The following ARAP3 variants were observed in gnomAD, a reference collection of about 807,000 sequenced individuals.
The protein encoded by ARAP3 is arf-GAP with Rho-GAP domain, ANK repeat and PH domain-containing protein 3.
A neutral mutation model predicts 169.2 loss-of-function variants in ARAP3; 82 were observed. That is an observed-to-expected ratio of 0.48 (90% CI 0.41 to 0.58). The LOEUF (loss-of-function observed/expected upper bound fraction) is 0.58, where lower values mean the gene tolerates loss of function less well. Among genes scored for constraint, ARAP3 ranks in the 20% least tolerant of loss-of-function variants. The probability of loss-of-function intolerance (pLI) is 0.00; values close to 1 mark genes in which losing one functional copy is unlikely to be tolerated. For synonymous variants in ARAP3, 791 were observed against 800.3 expected, an observed-to-expected ratio of 0.99 and a Z score of 0.20; for missense variants, 1,764 against 2,018.0, an observed-to-expected ratio of 0.87 and a Z score of 2.41.
At chr5:141,674,573 A>T (rs1301713744) in intron 4 of ARAP3, among the ~76,000 whole-genome samples, 2 of 152,146 alleles carry the variant, frequency 1.3e-5, no homozygotes, top group Non-Finnish European at 2.9e-5. Flanking sequence ...CTGCTTTTCA[A>T]ACAGGGGAAT....
rs142370797 is a variant in ARAP3, at chr5:141,671,707, C to T, written c.1717G>A (p.Gly573Arg). 6.4e-5 allele frequency: 103 copies of T among 1,611,074 alleles called. No homozygotes were observed. The African/African-American group carries it at 1.1e-3, about 17-fold the overall frequency. The part of the protein sequence containing the change: ...GNDRANRFWA[G>R]TLPPGEGLHP... ...AGTCCCTCACCTGGGGGTAGGGTCC[C>T]TGCCCAGAAGCGGTTGGCACGATCA... Residue 573 changes from glycine (G) to arginine (R), a missense_variant, in exon 12 of 33, where the codon GGG becomes AGG. By Grantham distance (125) the Gly-to-Arg change is moderately radical (BLOSUM62 -2). Coordinates refer to ENST00000239440, the MANE Select transcript of ARAP3 (RefSeq NM_022481.6). The surrounding 1 kb of genome is among the most constrained non-coding windows in gnomAD (Gnocchi z 4.9).
intron 22 of ARAP3, 57 bp downstream of exon 22, chr5:141,659,722 T>C: frequency 6.3e-7 from 1 of 1,577,136 alleles, no homozygotes; most frequent in South Asian, 1.2e-5. Context: ...CCAGAGTCTC[T>C]GGGTCCTGCA....
In ARAP3 at chr5:141,654,265, G is replaced by A; in HGVS notation, c.4320C>T (p.Thr1440=). ...AGGGTTGATCCAATGACTTCTGGCT[G>A]GTGAGGGGGTTCTCTGGCTTCACTG... ...EWTVKPENPL[T]SQKSLDQPFL... Residue 1440 remains threonine (T), a synonymous_variant, in exon 33 of 33, where the codon ACC becomes ACT. Coordinates refer to ENST00000239440, the MANE Select transcript of ARAP3 (RefSeq NM_022481.6). The A allele has an allele frequency of 6.2e-7, 1 of 1,614,170 alleles. No homozygotes were observed. The highest frequency in any genetic ancestry group is 8.5e-7 in the Non-Finnish European group (1 of 1,180,024).
chr5:141,658,273 A>T, intron 25 of ARAP3, 92 bp downstream of exon 25: 2 of 1,247,604 alleles, frequency 1.6e-6, no homozygotes, highest in Non-Finnish European at 2.3e-6. Flanking sequence ...TACCATTCAT[A>T]TTTGGTAACA....
intron 1 of ARAP3, 135 bp from the exon 2 acceptor site, chr5:141,680,638 G>C (rs1036460314): frequency 1.6e-5 from 21 of 1,330,334 alleles, no homozygotes; most frequent in Non-Finnish European, 1.8e-5. Context: ...CTGCGATCTG[G>C]AAGCAGAGCC....
chr5:141,665,090 G>A lies in ARAP3; in HGVS notation c.2637-5C>T. The A allele has an allele frequency of 6.2e-7, 1 of 1,607,640 alleles. No homozygotes were observed. The highest frequency in any genetic ancestry group is 8.5e-7 in the Non-Finnish European group (1 of 1,176,088). On this transcript the variant is annotated splice_region_variant and splice_polypyrimidine_tract_variant and intron_variant, in intron 18 of 32. Coordinates refer to ENST00000239440, the MANE Select transcript of ARAP3 (RefSeq NM_022481.6). ...TCTCCTTGCAGATACAGGGTCCTGA[G>A]ACCCCAGAGGCCTGAATCAGAGCCA...
At chr5:141,679,182 G>C (rs1171929922) in intron 4 of ARAP3, among the ~76,000 whole-genome samples, 1 of 152,158 alleles carries the variant, frequency 6.6e-6, no homozygotes. Context: ...CCAGCTACTC[G>C]GGAGCCTGAG....
At chr5:141,667,637 T>C (rs1462450951) in intron 16 of ARAP3, among the ~76,000 whole-genome samples, 3 of 149,582 alleles carry the variant, frequency 2.0e-5, no homozygotes, top group Non-Finnish European at 4.5e-5. Context: ...CCATGTTGCA[T>C]GGCTGGTCTC....
chr5:141,653,826 C>T lies in ARAP3; in HGVS notation c.*124G>A. ...CCACTGAAGCCTTTAGTCCAGTGCT[C>T]CTTCCACAGCACCACACTGGATTCT... On this transcript the variant is annotated 3_prime_UTR_variant, in exon 33 of 33. Coordinates refer to ENST00000239440, the MANE Select transcript of ARAP3 (RefSeq NM_022481.6). The T allele has an allele frequency of 1.5e-6, 2 of 1,375,426 alleles. No homozygotes were observed. Among genetic ancestry groups the T allele is most frequent in the Non-Finnish European group, 1.9e-6 (2 of 1,026,544 alleles). The allele number at this position is 1,375,426 out of a possible 1,614,324, so 85.2% of individuals were successfully genotyped here.
In ARAP3 at chr5:141,659,832, G is replaced by A. The variant is rs140732541; in HGVS notation, c.3214C>T (p.His1072Tyr). The change falls in exon 22 of 33, where the codon CAC (histidine) becomes TAC (tyrosine). Residue 1072 changes from histidine (H) to tyrosine (Y), a missense_variant. Coordinates refer to ENST00000239440, the MANE Select transcript of ARAP3 (RefSeq NM_022481.6). The stretch of plus-strand genomic sequence containing the variant: ...AGCTCTTGCAGCACTCGCACCTCGT[G>A]CTCCCCTCGCCCATCCGTCTGGAAC... ...SVFQTDGRGE[H>Y]EVRVLQELID... 167 of 1,610,554 alleles carry A rather than the reference G, an allele frequency of 1.0e-4. 1 individual carries two copies. The highest frequency in any genetic ancestry group is 2.0e-5 in the Non-Finnish European group (24 of 1,178,882).
intron 17 of ARAP3, among the ~76,000 whole-genome samples, chr5:141,665,918 C>T (rs2099910563): frequency 1.3e-5 from 2 of 151,520 alleles, no homozygotes; most frequent in South Asian, 4.2e-4. Context: ...GTAATCCCAG[C>T]TACTTGGGAG....
chr5:141,669,616 A>G (rs1222004802), intron 16 of ARAP3, 93 bp downstream of exon 16: 1 of 1,222,404 alleles, frequency 8.2e-7, no homozygotes, highest in South Asian at 1.3e-5. Flanking sequence ...CTGTTAGTGG[A>G]AGAAGTGGCT....
Position 141,662,170 on chromosome 5 carries a change from C to A in ARAP3, c.2886G>T (p.Arg962=). The A allele has an allele frequency of 6.2e-7, 1 of 1,614,266 alleles. No individual in the cohort carries two copies. The highest frequency in any genetic ancestry group is 1.1e-5 in the South Asian group (1 of 91,090). ...RLLAEFRRDA[R]SVKLRPGEHF... is the part of the protein sequence containing the mutation. ...GCTCCCCTGGTCGGAGCTTCACCGA[C>A]CGGGCATCCCGACGGAACTCAGCCA... Residue 962 remains arginine, a synonymous_variant, in exon 20 of 33, where the codon CGG becomes CGT. Transcript: ENST00000239440.
At chr5:141,670,478 C>T (rs1436041180) in intron 14 of ARAP3, 34 bp downstream of exon 14, 2 of 1,594,614 alleles carry the variant, frequency 1.3e-6, no homozygotes, top group African/African-American at 2.7e-5. Flanking sequence ...CACTTTCTGT[C>T]CCTGTATCCT....
At position 141,656,512 on chromosome 5, in the gene ARAP3, C is replaced by A; in HGVS notation, c.3781G>T (p.Glu1261Ter). 6.2e-7 allele frequency: 1 copy of A among 1,611,910 alleles called. No individual in the cohort carries two copies. Reference sequence around the variant, plus strand: ...TGGCCCCAGGGCCTCACTTTCTTCTCCTTGAGCAGCAGCAGGCAGCGGCCA... The same window carrying A: ...TGGCCCCAGGGCCTCACTTTCTTCTACTTGAGCAGCAGCAGGCAGCGGCCA... Reference protein sequence around the residue: ...LRGRCLLLLKEKKSSKPEREW... With the variant: ...LRGRCLLLLK The change falls in exon 27 of 33, where the codon GAG becomes TAG. Residue 1261 changes from glutamate (E) to a stop codon, truncating the protein, a stop_gained. Coordinates refer to ENST00000239440, the MANE Select transcript of ARAP3 (RefSeq NM_022481.6). LOFTEE classifies it high-confidence loss of function.
chr5:141,658,528 C>G, intron 24 of ARAP3, 49 bp from the exon 25 acceptor site: 1 of 1,613,828 alleles, frequency 6.2e-7, no homozygotes, highest in African/African-American at 1.3e-5. Context: ...GGCTATTGCC[C>G]CTGGAACCTC....
Position 141,658,419 on chromosome 5 carries a change from C to T in ARAP3, c.3472G>A (p.Ala1158Thr), listed in dbSNP as rs1238970956. ...TNQVLEMRGTAAGMDLWVTFE... is the reference protein window; with the variant it reads ...TNQVLEMRGTTAGMDLWVTFE... The stretch of plus-strand genomic sequence containing the variant: ...GTCACCCACAAGTCCATCCCAGCTG[C>T]TGTCCCCCGCATCTCCAGTACCTGG... The change falls in exon 25 of 33, where the codon GCA becomes ACA. Residue 1158 changes from alanine to threonine, a missense_variant. Transcript: ENST00000239440. The T allele has an allele frequency of 6.2e-7, 1 of 1,614,026 alleles. No individual in the cohort carries two copies. The highest frequency in any genetic ancestry group is 2.2e-5 in the East Asian group (1 of 44,886).
In ARAP3 at chr5:141,666,555, G is replaced by T; in HGVS notation, c.2441C>A (p.Ala814Asp). 6.3e-7 allele frequency: 1 copy of T among 1,583,346 alleles called. No individual in the cohort carries two copies. Among genetic ancestry groups the T allele is most frequent in the South Asian group, 1.2e-5 (1 of 86,382 alleles). ...RLWLRSPSHTAPAPGLWLSGF... is the reference protein window; with the variant it reads ...RLWLRSPSHTDPAPGLWLSGF... ...TGACAGCCAGAGACCAGGGGCCGGG[G>T]CTGTATGGGAGGGGGACCGCAGCCA... Residue 814 changes from alanine to aspartate, a missense_variant, in exon 17 of 33, where the codon GCC (alanine) becomes GAC (aspartate). Ala to Asp is a moderately radical substitution (Grantham distance 126, BLOSUM62 -2). Transcript: ENST00000239440.
In ARAP3 at chr5:141,666,620, G is replaced by T. The variant is rs2099910678; in HGVS notation, c.2376C>A (p.His792Gln). The change falls in exon 17 of 33, where the codon CAC becomes CAA. Residue 792 changes from histidine to glutamine, a missense_variant. By Grantham distance (24) the His-to-Gln change is conservative (BLOSUM62 0). This residue lies in a region of ARAP3 where 1,112 missense variants were observed against 1,285.7 expected (regional missense o/e 0.86). Coordinates refer to ENST00000239440, the MANE Select transcript of ARAP3 (RefSeq NM_022481.6). ...VGKWFSPLSC[H>Q]QLLGPGLLRL... is the part of the protein sequence containing the mutation. ...GCAGCAGCCCGGGGCCCAGCAGCTG[G>T]TGGCAGCTCAGCGGGGAGAACCACT... 1.7e-5 allele frequency: 24 copies of T among 1,453,912 alleles called. No homozygotes were observed. Among genetic ancestry groups the T allele is most frequent in the Non-Finnish European group, 2.2e-5 (24 of 1,097,664 alleles). The allele number at this position is 1,453,912 out of a possible 1,614,324, so 90.1% of individuals were successfully genotyped here.
Sources: allele counts gnomAD v4.1 joint callset (sites outside exome capture counted in the v4.1 genomes callset), GRCh38; gene constraint gnomAD v4.1.1; regional missense constraint gnomAD v4.1.1; non-coding constraint Gnocchi (gnomAD v3.1); transcripts MANE v1.5; gene names NCBI Gene and HGNC (gene_info 2026-07-23, HGNC 2026-07-21).